FRG1: variants seen among roughly 807,000 people sequenced by gnomAD.
FRG1 encodes the protein FSHD region gene 1, also known as protein FRG1.
A neutral mutation model predicts 37.0 loss-of-function variants in FRG1; 19 were observed. The observed-to-expected ratio is 0.51, with a 90% CI of 0.36 to 0.75. FRG1 has a LOEUF of 0.75. FRG1 is among the 30% of genes least tolerant of loss of function. The probability of loss-of-function intolerance (pLI) is 0.00; values close to 1 mark genes in which losing one functional copy is unlikely to be tolerated. For missense variants in FRG1, 243 were observed against 301.4 expected (o/e 0.81, Z 1.44); for synonymous variants, 73 against 96.5 (o/e 0.76, Z 1.43).
chr4:189,941,764 G>A (rs1270385359), intron 1 of FRG1: 1 of 325,856 alleles, frequency 3.1e-6, no homozygotes, highest in African/African-American at 2.2e-5. Context: ...AGGTCGTAAT[G>A]GTAATTTATT....
rs142788349 is a variant in FRG1 at position 189,940,983 on chromosome 4, C to T, written c.-27C>T. The T allele has an allele frequency of 5.4e-4, 871 of 1,604,700 alleles. 5 individuals carry two copies. The African/African-American group carries it at 0.01, about 19-fold the overall frequency. ...ATACTCGTCCAGAACCGGCCTCAGCCTCTCCGCGCAGAAGTTTCCCGGAGC... is the reference window on the plus strand; with the variant it reads ...ATACTCGTCCAGAACCGGCCTCAGCTTCTCCGCGCAGAAGTTTCCCGGAGC... On this transcript the variant is annotated 5_prime_UTR_variant, in exon 1 of 9. Coordinates refer to ENST00000226798, the MANE Select transcript of FRG1 (RefSeq NM_004477.3).
chr4:189,941,445 C>G (rs1189750801), intron 1 of FRG1, among the ~76,000 whole-genome samples: 1 of 152,140 alleles, frequency 6.6e-6, no homozygotes, highest in Non-Finnish European at 1.5e-5. Flanking sequence ...TCTTTTCTTT[C>G]TAGAAAACTT....
chr4:189,957,384 T>C lies in FRG1; in HGVS notation c.433-14T>C. ...AAGTATCCTCATGGCTATTTTGTTATTTGTTTCACTTAGGGGAAAATGGCT... is the reference window on the plus strand; with the variant it reads ...AAGTATCCTCATGGCTATTTTGTTACTTGTTTCACTTAGGGGAAAATGGCT... On this transcript the variant is annotated splice_polypyrimidine_tract_variant and intron_variant, in intron 5 of 8. Transcript: ENST00000226798. 6.8e-7 allele frequency: 1 copy of C among 1,465,682 alleles called. No homozygotes were observed. Among genetic ancestry groups the C allele is most frequent in the Non-Finnish European group, 9.0e-7 (1 of 1,111,128 alleles). 90.8% of individuals were successfully genotyped at this position (1,465,682 alleles called of 1,614,324 possible).
At chr4:189,950,089 A>G (rs1736690073) in intron 2 of FRG1, among the ~76,000 whole-genome samples, 1 of 152,012 alleles carries the variant, frequency 6.6e-6, no homozygotes, top group South Asian at 2.1e-4. Context: ...ATGGGTGTGA[A>G]GTGGTATTGC....
chr4:189,943,375 T>C (rs1359231655), intron 2 of FRG1, 103 bp downstream of exon 2: 1 of 1,323,134 alleles, frequency 7.6e-7, no homozygotes, highest in Non-Finnish European at 1.0e-6. Flanking sequence ...TTCATATTTG[T>C]CTTAAAGTGC....
At chr4:189,941,094 G>C (rs1717380662) in intron 1 of FRG1, 23 bp downstream of exon 1, 1 of 1,609,756 alleles carries the variant, frequency 6.2e-7, no homozygotes, top group Admixed American at 1.7e-5. Flanking sequence ...GCTTGGGCGG[G>C]AGCCTCCTCC....
chr4:189,947,267 C>T (rs1357032555), intron 2 of FRG1, among the ~76,000 whole-genome samples: 2 of 152,260 alleles, frequency 1.3e-5, no homozygotes, highest in African/African-American at 2.4e-5. Flanking sequence ...AAATCTCCAG[C>T]GGTAATTCTA....
intron 2 of FRG1, among the ~76,000 whole-genome samples, chr4:189,951,892 C>G (rs79149437): frequency 6.6e-6 from 1 of 152,122 alleles, no homozygotes; most frequent in South Asian, 2.1e-4. Flanking sequence ...GCATGAATCT[C>G]TGCACATACA....
chr4:189,942,070 T>G, intron 1 of FRG1: 1 of 188,580 alleles, frequency 5.3e-6, no homozygotes, highest in Non-Finnish European at 1.1e-5. Flanking sequence ...AGAGTTATCT[T>G]CTGAAAACTT....
chr4:189,949,578 A>C (rs535810828), intron 2 of FRG1, among the ~76,000 whole-genome samples: 2 of 152,220 alleles, frequency 1.3e-5, no homozygotes. Flanking sequence ...TTAATGAGTT[A>C]TTATATTTAA....
chr4:189,952,296 C>G lies in FRG1; in HGVS notation c.259+9C>G. On this transcript the variant is annotated intron_variant, in intron 3 of 8. Transcript: ENST00000226798. Reference sequence around the variant, plus strand: ...AGCTCCACACAAAGAAGGTTTGTGTCTGGAAGGGAAGAGGCTGCCACAAGT... The same window carrying G: ...AGCTCCACACAAAGAAGGTTTGTGTGTGGAAGGGAAGAGGCTGCCACAAGT... 1 of 1,609,926 alleles carries G rather than the reference C, an allele frequency of 6.2e-7. No individual in the cohort carries two copies. The highest frequency in any genetic ancestry group is 8.5e-7 in the Non-Finnish European group (1 of 1,178,754).
At chr4:189,947,102 C>T (rs906937410) in intron 2 of FRG1, among the ~76,000 whole-genome samples, 8 of 152,244 alleles carry the variant, frequency 5.3e-5, no homozygotes, top group Non-Finnish European at 1.0e-4. Flanking sequence ...GTGATCCTCC[C>T]GCCTCGGCGG....
At chr4:189,942,716 C>T (rs1736368153) in intron 1 of FRG1, among the ~76,000 whole-genome samples, 1 of 152,134 alleles carries the variant, frequency 6.6e-6, no homozygotes, top group African/African-American at 2.4e-5. Context: ...CTTGGGTATA[C>T]ATACTTAGGA....
intron 1 of FRG1, among the ~76,000 whole-genome samples, chr4:189,941,623 TAA>T (rs1452660445): frequency 1.3e-5 from 2 of 152,202 alleles, no homozygotes; most frequent in Non-Finnish European, 2.9e-5. Context: ...ATTTACTCAT[TAA>T]GAGATCAAAT....
intron 2 of FRG1, among the ~76,000 whole-genome samples, chr4:189,949,193 G>A (rs368489881): frequency 7.9e-5 from 12 of 152,280 alleles, no homozygotes; most frequent in South Asian, 6.2e-4. Context: ...GTCACCTGAC[G>A]TAGAGACAGG....
At chr4:189,953,492 G>A (rs955627171) in intron 4 of FRG1, among the ~76,000 whole-genome samples, 11 of 152,104 alleles carry the variant, frequency 7.2e-5, no homozygotes, top group Non-Finnish European at 1.5e-4. Flanking sequence ...GAAACCAGCA[G>A]AGAATGTTAC....
intron 6 of FRG1, among the ~76,000 whole-genome samples, chr4:189,959,104 G>A (rs1459100621): frequency 1.3e-5 from 2 of 152,180 alleles, no homozygotes; most frequent in African/African-American, 4.8e-5. Flanking sequence ...TACTACCAGT[G>A]CAATTTAAAA....
chr4:189,954,317 C>T (rs1561072582), intron 4 of FRG1, among the ~76,000 whole-genome samples: 1 of 151,920 alleles, frequency 6.6e-6, no homozygotes, highest in Non-Finnish European at 1.5e-5. Context: ...TTATACTCTT[C>T]GATCCAGTTA....
chr4:189,954,917 T>C, intron 4 of FRG1, 120 bp from the exon 5 acceptor site: 1 of 618,456 alleles, frequency 1.6e-6, no homozygotes, highest in Non-Finnish European at 2.9e-6. Context: ...AGACTTGGAA[T>C]ATGTGCAGTC....
Sources: gnomAD v4.1 joint callset for allele counts (sites outside exome capture counted in the v4.1 genomes callset) on GRCh38, gnomAD v4.1.1 for gene constraint, MANE v1.5 for transcripts, NCBI Gene and HGNC (gene_info 2026-07-23, HGNC 2026-07-21) for gene names.